The following ZNF142 variants were observed in gnomAD, a reference collection of about 807,000 sequenced individuals.
ZNF142 encodes the protein zinc finger protein 142 (clone pHZ-49).
A neutral mutation model predicts 132.1 loss-of-function variants in ZNF142; 96 were observed. The observed-to-expected ratio is 0.73, with a 90% CI of 0.62 to 0.86. ZNF142 has a LOEUF of 0.86. Among genes scored for constraint, ZNF142 ranks in the 40% least tolerant of loss-of-function variants. The probability of loss-of-function intolerance (pLI) is 0.00; values close to 1 mark genes in which losing one functional copy is unlikely to be tolerated. For synonymous variants in ZNF142, 842 were observed against 890.1 expected (o/e 0.95, Z 0.96); for missense variants, 2,163 against 2,336.2 (o/e 0.93, Z 1.53).
chr2:218,639,747 A>AAAAAAAGT (rs1697011054), intron 10 of ZNF142, among the ~76,000 whole-genome samples: 2 of 150,408 alleles, frequency 1.3e-5, no homozygotes, highest in Admixed American at 6.6e-5. Context: ...AAAAAAAAAA[A>AAAAAAAGT]AAAAAGTAAA....
chr2:218,642,725 T>C lies in ZNF142; in HGVS notation c.4391A>G (p.Tyr1464Cys), dbSNP rs1382318988. Residue 1464 changes from tyrosine to cysteine, a missense_variant, in exon 9 of 11, where the codon TAT becomes TGT. By Grantham distance (194) the Tyr-to-Cys change is radical. Transcript: ENST00000411696. The surrounding 1 kb of genome is among the most constrained non-coding windows in gnomAD (Gnocchi z 4.6). ...GATGTCATGGCGAAGGTAGCCACTA[T>C]AGTCACAAAGTGGACAGAAGTGGGT... is the stretch of plus-strand genomic sequence containing the variant. ...TPTHFCPLCD[Y>C]SGYLRHDITR... 1.1e-5 allele frequency: 17 copies of C among 1,614,076 alleles called. No individual in the cohort carries two copies. The highest frequency in any genetic ancestry group is 1.4e-5 in the Non-Finnish European group (16 of 1,180,034).
chr2:218,636,623 G>C lies in ZNF142; in HGVS notation c.*1716C>G, dbSNP rs777493454. On this transcript the variant is annotated 3_prime_UTR_variant, in exon 11 of 11. Coordinates refer to ENST00000411696, the MANE Select transcript of ZNF142 (RefSeq NM_001379659.1). ...GGTTGGTGTGCTGGCTTTAGACGGG[G>C]AGAAACATCTGGAAGGATGCTCGAG... is the stretch of plus-strand genomic sequence containing the variant. 22 of 1,566,434 alleles carry C rather than the reference G, an allele frequency of 1.4e-5. No individual in the cohort carries two copies. In the South Asian group the frequency reaches 1.8e-4, roughly 13 times the overall value.
intron 3 of ZNF142, 112 bp from the exon 4 acceptor site, chr2:218,656,575 C>T (rs1938526556): frequency 2.3e-5 from 14 of 614,418 alleles, no homozygotes; most frequent in Non-Finnish European, 3.0e-5. Context: ...TCTTGCATGG[C>T]AATATGCCAT....
rs1697699188 is a variant in ZNF142 at position 218,646,073 on chromosome 2, G to C, written c.2051+98C>G. The stretch of plus-strand genomic sequence containing the variant: ...CGGCCTTAGGAGGAGACTCTCCAGG[G>C]ACCGGAGAAAGAAATAGGGCCAGAA... On this transcript the variant is annotated intron_variant, in intron 8 of 10. Coordinates refer to ENST00000411696, the MANE Select transcript of ZNF142 (RefSeq NM_001379659.1). 15 of 1,479,446 alleles carry C rather than the reference G, an allele frequency of 1.0e-5. No individual in the cohort carries two copies. In the South Asian group the frequency reaches 1.5e-4, roughly 15 times the overall value. 91.6% of individuals were successfully genotyped at this position (1,479,446 alleles called of 1,614,324 possible). A position where few individuals can be genotyped will look rare whatever the true frequency, so the allele number is the denominator to read the frequency against.
In ZNF142 at chr2:218,638,035, T is replaced by C; in HGVS notation, c.*304A>G. The C allele has an allele frequency of 3.5e-6, 1 of 286,290 alleles. No homozygotes were observed. The highest frequency in any genetic ancestry group is 6.5e-6 in the Non-Finnish European group (1 of 154,806). 17.7% of individuals were successfully genotyped at this position (286,290 alleles called of 1,614,324 possible). ...GACACAGTAAGAAGGAAAGAGAAGATGGAGTGGGTAAAATCCAGATCTTAT... is the reference window on the plus strand; with the variant it reads ...GACACAGTAAGAAGGAAAGAGAAGACGGAGTGGGTAAAATCCAGATCTTAT... On this transcript the variant is annotated 3_prime_UTR_variant, in exon 11 of 11. Transcript: ENST00000411696.
rs1696505138 is a variant in ZNF142 at position 218,633,445 on chromosome 2, T to TATTTCCAAG, written c.*4885_*4893dup. ...GTTGTCAGATTGTGGCCCAGGCTCC[T>TATTTCCAAG]ATTTCCAAGCCTGAGTCCCTTCTCT... On this transcript the variant is annotated 3_prime_UTR_variant, in exon 11 of 11. Coordinates refer to ENST00000411696, the MANE Select transcript of ZNF142 (RefSeq NM_001379659.1). 1.2e-6 allele frequency: 1 copy of TATTTCCAAG among 859,042 alleles called. No individual in the cohort carries two copies. Among genetic ancestry groups the TATTTCCAAG allele is most frequent in the Non-Finnish European group, 1.9e-6 (1 of 523,974 alleles). 53.2% of individuals were successfully genotyped at this position (859,042 alleles called of 1,614,324 possible).
chr2:218,638,018 A>G lies in ZNF142; in HGVS notation c.*321T>C, dbSNP rs1265387742. On this transcript the variant is annotated 3_prime_UTR_variant, in exon 11 of 11. Coordinates refer to ENST00000411696, the MANE Select transcript of ZNF142 (RefSeq NM_001379659.1). ...GAAAGAAAATAGGAATTGACACAGTAAGAAGGAAAGAGAAGATGGAGTGGG... is the reference window on the plus strand; with the variant it reads ...GAAAGAAAATAGGAATTGACACAGTGAGAAGGAAAGAGAAGATGGAGTGGG... 3.9e-6 allele frequency: 1 copy of G among 253,488 alleles called. No homozygotes were observed. Among genetic ancestry groups the G allele is most frequent in the African/African-American group, 2.2e-5 (1 of 45,162 alleles). The allele number at this position is 253,488 out of a possible 1,614,324, so 15.7% of individuals were successfully genotyped here.
intron 7 of ZNF142, among the ~76,000 whole-genome samples, chr2:218,646,834 G>A (rs748986924): frequency 1.3e-4 from 20 of 152,078 alleles, no homozygotes; most frequent in Non-Finnish European, 2.1e-4. Flanking sequence ...TGATCCGCCC[G>A]CCTTGGCCTC....
rs778228633 is a variant in ZNF142 at position 218,645,009 on chromosome 2, G to C, written c.2107C>G (p.His703Asp). Residue 703 changes from histidine to aspartate, a missense_variant, in exon 9 of 11, where the codon CAC becomes GAC. By Grantham distance (81) the His-to-Asp change is moderately conservative. Coordinates refer to ENST00000411696, the MANE Select transcript of ZNF142 (RefSeq NM_001379659.1). ...GACTTGCCCTGATGCCGCAGCTTGT[G>C]GCTGCTCAGCTGATCAGCCCGGTGA... ...RCHRADQLSSHKLRHQGKSLM... is the reference protein window; with the variant it reads ...RCHRADQLSSDKLRHQGKSLM... 6.2e-7 allele frequency: 1 copy of C among 1,613,950 alleles called. No individual in the cohort carries two copies. Among genetic ancestry groups the C allele is most frequent in the Non-Finnish European group, 8.5e-7 (1 of 1,179,928 alleles).
chr2:218,641,831 G>C (rs1164545531), intron 9 of ZNF142, among the ~76,000 whole-genome samples, 197 bp downstream of exon 9: 1 of 152,164 alleles, frequency 6.6e-6, no homozygotes, highest in Non-Finnish European at 1.5e-5. Flanking sequence ...GCCACATTAT[G>C]GAACTTTATC....
At chr2:218,655,493 A>G (rs186256482) in intron 4 of ZNF142, among the ~76,000 whole-genome samples, 14 of 152,234 alleles carry the variant, frequency 9.2e-5, no homozygotes, top group African/African-American at 2.4e-4. Flanking sequence ...TTGTTTTTTT[A>G]AAGAGATGGG....
rs770480725 is a variant in ZNF142, at chr2:218,642,593, C to T, written c.4523G>A (p.Arg1508Gln). 30 of 1,602,322 alleles carry T rather than the reference C, an allele frequency of 1.9e-5. No individual in the cohort carries two copies. The highest frequency in any genetic ancestry group is 1.7e-4 in the Middle Eastern group (1 of 6,054). The change falls in exon 9 of 11, where the codon CGA (arginine) becomes CAA (glutamine). Residue 1508 changes from arginine (R) to glutamine (Q), a missense_variant. This residue lies in a region of ZNF142 where 809 missense variants were observed against 801.7 expected (regional missense o/e 1.01). Transcript: ENST00000411696. The surrounding 1 kb of genome is among the most constrained non-coding windows in gnomAD (Gnocchi z 4.6). ...ETALKQHALRRHPEPAQPAPG... is the reference protein window; with the variant it reads ...ETALKQHALRQHPEPAQPAPG... ...GGCAGGCTGTGCAGGCTCGGGGTGT[C>T]GGCGCAGAGCATGCTGCTTAAGTGC...
Position 218,644,444 on chromosome 2 carries a change from C to G in ZNF142, c.2672G>C (p.Gly891Ala). The change falls in exon 9 of 11, where the codon GGC (glycine) becomes GCC (alanine). Residue 891 changes from glycine to alanine, a missense_variant. Gly to Ala is a moderately conservative substitution (Grantham distance 60, BLOSUM62 0). Coordinates refer to ENST00000411696, the MANE Select transcript of ZNF142 (RefSeq NM_001379659.1). This position sits in a 1 kb window ranked among gnomAD's most constrained non-coding sequence, Gnocchi z 4.6. ...GGCCTCTAGGTGTAGTGTGCAGCTG[C>G]CCTCCTCCACCTCTGCTGGGCTGGG... ...GSPSPAEVEE[G>A]SCTLHLEALG... The G allele has an allele frequency of 6.2e-7, 1 of 1,614,024 alleles. No individual in the cohort carries two copies. The highest frequency in any genetic ancestry group is 8.5e-7 in the Non-Finnish European group (1 of 1,180,000).
intron 7 of ZNF142, among the ~76,000 whole-genome samples, chr2:218,646,584 C>CTT (rs998254652): frequency 6.8e-6 from 1 of 146,500 alleles, no homozygotes; most frequent in African/African-American, 2.5e-5. Context: ...CCAAGCTTTT[C>CTT]TTTTTTTTTT....
At chr2:218,647,681 C>T (rs1418012299) in intron 7 of ZNF142, among the ~76,000 whole-genome samples, 4 of 152,094 alleles carry the variant, frequency 2.6e-5, no homozygotes, top group Admixed American at 6.6e-5. Context: ...GGTGAGCTGT[C>T]CATATTGATG....
chr2:218,641,243 A>ATTTTTTTT (rs71276228), intron 9 of ZNF142, among the ~76,000 whole-genome samples: 1 of 103,920 alleles, frequency 9.6e-6, no homozygotes, highest in East Asian at 2.8e-4. Context: ...CTGGCCGATA[A>ATTTTTTTT]TTTTTTTTTT....
In ZNF142 at chr2:218,643,933, G is replaced by A; in HGVS notation, c.3183C>T (p.Gly1061=). 1 of 1,614,136 alleles carries A rather than the reference G, an allele frequency of 6.2e-7. No individual in the cohort carries two copies. The highest frequency in any genetic ancestry group is 8.5e-7 in the Non-Finnish European group (1 of 1,179,990). Reference sequence around the variant, plus strand: ...CGGGGCACAGCAGGGGCTCTCGGCGGCCTTGGCACCCAGTCCTGGAGTGCA... The same window carrying A: ...CGGGGCACAGCAGGGGCTCTCGGCGACCTTGGCACCCAGTCCTGGAGTGCA... ...LNLHSRTGCQ[G]RREPLLCPEC... The change falls in exon 9 of 11, where the codon GGC becomes GGT. Residue 1061 remains glycine (G), a synonymous_variant. Coordinates refer to ENST00000411696, the MANE Select transcript of ZNF142 (RefSeq NM_001379659.1).
intron 6 of ZNF142, among the ~76,000 whole-genome samples, chr2:218,649,851 G>T (rs1303187982): frequency 6.6e-6 from 1 of 152,226 alleles, no homozygotes; most frequent in African/African-American, 2.4e-5. Flanking sequence ...TGAGCCAAAA[G>T]AAGGTACAGT....
At position 218,649,226 on chromosome 2, in the gene ZNF142, C is replaced by T; in HGVS notation, c.1282G>A (p.Ala428Thr). The T allele has an allele frequency of 6.2e-7, 1 of 1,614,170 alleles. No homozygotes were observed. Among genetic ancestry groups the T allele is most frequent in the Non-Finnish European group, 8.5e-7 (1 of 1,180,032 alleles). ...CGGTTGAGTGCATTCCTCTCCACCG[C>T]ACTGTAGTGGCACAGTGGGCAGTGG... ...AHHCPLCHYS[A>T]VERNALNRHM... is the part of the protein sequence containing the mutation. Residue 428 changes from alanine (A) to threonine (T), a missense_variant, in exon 7 of 11, where the codon GCG becomes ACG. This residue lies in a region of ZNF142 where 749 missense variants were observed against 830.3 expected (regional missense o/e 0.90). Coordinates refer to ENST00000411696, the MANE Select transcript of ZNF142 (RefSeq NM_001379659.1).
Sources: gnomAD v4.1 joint callset for allele counts (sites outside exome capture counted in the v4.1 genomes callset) on GRCh38, gnomAD v4.1.1 for gene constraint, gnomAD v4.1.1 regional missense constraint, Gnocchi (gnomAD v3.1) non-coding constraint, MANE v1.5 for transcripts, NCBI Gene and HGNC (gene_info 2026-07-23, HGNC 2026-07-21) for gene names.